Variants in PGCKA1 observed in about 807,000 individuals in gnomAD.
PGCKA1 encodes PDCD10 and GCKIII kinases-associated protein 1.
the PGCKA1 span, among the ~76,000 whole-genome samples, chr4:37,471,055 C>T: frequency 1.3e-5 from 2 of 152,172 alleles, no homozygotes; most frequent in Non-Finnish European, 2.9e-5. Flanking sequence ...GAATTCTATA[C>T]TCCCACACCA....
At chr4:37,542,358 G>T in the PGCKA1 span, among the ~76,000 whole-genome samples, 34 of 152,292 alleles carry the variant, frequency 2.2e-4, no homozygotes, top group African/African-American at 7.9e-4. Context: ...TAGTTCAGGG[G>T]TGGCTCCACT....
the PGCKA1 span, among the ~76,000 whole-genome samples, chr4:37,492,863 C>T: frequency 2.4e-4 from 37 of 152,110 alleles, 1 homozygote; most frequent in Admixed American, 1.3e-4. This position sits in a 1 kb window ranked among gnomAD's most constrained non-coding sequence, Gnocchi z 4.7. Flanking sequence ...CTGCTGCCAC[C>T]GATCCTAGTG....
chr4:37,505,758 AC>A, the PGCKA1 span, among the ~76,000 whole-genome samples: 1 of 152,228 alleles, frequency 6.6e-6, no homozygotes, highest in African/African-American at 2.4e-5. Context: ...CCCTTCCACA[AC>A]ACATGGGAAT....
At chr4:37,576,230 T>C in the PGCKA1 span, among the ~76,000 whole-genome samples, 1 of 152,168 alleles carries the variant, frequency 6.6e-6, no homozygotes, top group African/African-American at 2.4e-5. Flanking sequence ...TGAAATATCT[T>C]TCTAATTTTT....
At chr4:37,592,256 T>G in the PGCKA1 span, among the ~76,000 whole-genome samples, 1 of 147,058 alleles carries the variant, frequency 6.8e-6, no homozygotes, top group Non-Finnish European at 1.5e-5. Context: ...GTGGCTCATG[T>G]CTGTAATCTG....
the PGCKA1 span, among the ~76,000 whole-genome samples, chr4:37,478,089 A>G: frequency 6.6e-6 from 1 of 151,520 alleles, no homozygotes; most frequent in Non-Finnish European, 1.5e-5. Context: ...CCAGTCTTGT[A>G]TGGATTGGAG....
At chr4:37,550,087 C>G in the PGCKA1 span, among the ~76,000 whole-genome samples, 3 of 152,082 alleles carry the variant, frequency 2.0e-5, no homozygotes, top group East Asian at 1.9e-4. Flanking sequence ...CCAAAAGGAA[C>G]CTGTTTGTAT....
chr4:37,572,048 C>CTTTTTTTTCTTTTTCTT, the PGCKA1 span, among the ~76,000 whole-genome samples: 13 of 111,630 alleles, frequency 1.2e-4, no homozygotes, highest in Non-Finnish European at 2.0e-4. Context: ...AACTTCACAC[C>CTTTTTTTTCTTTTTCTT]TTTTTTTTTT....
the PGCKA1 span, among the ~76,000 whole-genome samples, chr4:37,571,096 C>G: frequency 8.7e-4 from 133 of 152,260 alleles, no homozygotes; most frequent in African/African-American, 3.1e-3. Context: ...AAGCTAGATG[C>G]TGGTTGGATT....
chr4:37,550,019 A>G, the PGCKA1 span, among the ~76,000 whole-genome samples: 17 of 152,238 alleles, frequency 1.1e-4, no homozygotes, highest in Non-Finnish European at 1.0e-4. Context: ...TCACTGAGGT[A>G]GGACAAAAGA....
At chr4:37,565,653 C>A in the PGCKA1 span, among the ~76,000 whole-genome samples, 1 of 152,170 alleles carries the variant, frequency 6.6e-6, no homozygotes, top group Non-Finnish European at 1.5e-5. Context: ...ATTGCTTGGC[C>A]AGACCAGAAT....
chr4:37,468,402 T>G, the PGCKA1 span, among the ~76,000 whole-genome samples: 4 of 152,196 alleles, frequency 2.6e-5, no homozygotes, highest in African/African-American at 9.7e-5. Flanking sequence ...GATGGCTACT[T>G]TGTCCCTTGC....
the PGCKA1 span, among the ~76,000 whole-genome samples, chr4:37,592,208 C>CAA: frequency 2.2e-4 from 21 of 93,344 alleles, 1 homozygote; most frequent in African/African-American, 6.4e-4. Flanking sequence ...GACTCCATCT[C>CAA]AAAAAAAAAA....
the PGCKA1 span, among the ~76,000 whole-genome samples, chr4:37,509,718 C>T: frequency 1.3e-5 from 2 of 151,246 alleles, no homozygotes; most frequent in Non-Finnish European, 3.0e-5. Context: ...CCCAGCACTT[C>T]GCGAGGCCGA....
chr4:37,554,328 G>A, the PGCKA1 span, among the ~76,000 whole-genome samples: 1 of 151,344 alleles, frequency 6.6e-6, no homozygotes. Flanking sequence ...AATACAAAGA[G>A]CTTAAAGATC....
the PGCKA1 span, among the ~76,000 whole-genome samples, chr4:37,519,935 T>C: frequency 1.3e-5 from 2 of 152,308 alleles, no homozygotes; most frequent in East Asian, 3.9e-4. Context: ...GTATAATCCT[T>C]CTACCCCCAG....
chr4:37,578,855 G>C, the PGCKA1 span, among the ~76,000 whole-genome samples: 20,053 of 151,982 alleles, frequency 0.13, 4,200 homozygotes, highest in African/African-American at 0.44. Context: ...TCAGGAGTTT[G>C]AGACCAGCCT....
At chr4:37,590,143 A>G in the PGCKA1 span, 1 of 1,614,210 alleles carries the variant, frequency 6.2e-7, no homozygotes, top group Non-Finnish European at 8.5e-7. Context: ...TGAAGTCAAC[A>G]GCTGCAAGCT....
At chr4:37,531,277 A>G in the PGCKA1 span, among the ~76,000 whole-genome samples, 1 of 152,180 alleles carries the variant, frequency 6.6e-6, no homozygotes, top group African/African-American at 2.4e-5. Flanking sequence ...GACTATGGTA[A>G]AGACATTTTT....
Sources: allele counts gnomAD v4.1 joint callset (sites outside exome capture counted in the v4.1 genomes callset), GRCh38; gene constraint gnomAD v4.1.1; non-coding constraint Gnocchi (gnomAD v3.1); transcripts MANE v1.5; gene names NCBI Gene and HGNC (gene_info 2026-07-23, HGNC 2026-07-21).